The following LSP1 variants were observed in gnomAD, a reference collection of about 807,000 sequenced individuals.
LSP1 encodes lymphocyte-specific protein 1.
Under a neutral mutation model 49.3 loss-of-function variants are expected in LSP1, and 32 were observed. The observed-to-expected ratio is 0.65, with a 90% CI of 0.49 to 0.87. LSP1 has a LOEUF of 0.87. Ranked by LOEUF, LSP1 falls within the 40% of genes least tolerant of loss-of-function variation. The probability of loss-of-function intolerance (pLI) is 0.00; values close to 1 mark genes in which losing one functional copy is unlikely to be tolerated. For synonymous variants in LSP1, 179 were observed against 178.8 expected, an observed-to-expected ratio of 1.00 and a Z score of -0.01; for missense variants, 428 against 442.6, an observed-to-expected ratio of 0.97 and a Z score of 0.30.
chr11:1,887,629 G>A (rs1848813294), intron 10 of LSP1, 53 bp downstream of exon 10: 1 of 1,477,914 alleles, frequency 6.8e-7, no homozygotes, highest in Admixed American at 1.8e-5. Flanking sequence ...CGTGCACTGT[G>A]CTGGGAACTT....
chr11:1,870,943 C>T (rs1457924008), intron 1 of LSP1: 2 of 985,660 alleles, frequency 2.0e-6, no homozygotes, highest in Admixed American at 6.1e-5. Context: ...CGAGCAAAGG[C>T]GGGAGGCGCA....
At chr11:1,880,262 C>T (rs769199013) in intron 2 of LSP1, 38 bp downstream of exon 2, 12 of 1,534,080 alleles carry the variant, frequency 7.8e-6, no homozygotes, top group Non-Finnish European at 1.1e-5. Context: ...GCTCTAGCCC[C>T]TATCCGTGTA....
intron 1 of LSP1, among the ~76,000 whole-genome samples, chr11:1,858,805 A>G (rs1242677407): frequency 6.6e-6 from 1 of 152,150 alleles, no homozygotes; most frequent in African/African-American, 2.4e-5. Flanking sequence ...AGATTAGGGG[A>G]TTGAGAAAGC....
At chr11:1,870,526 TG>T in intron 1 of LSP1, 1 of 1,174,104 alleles carries the variant, frequency 8.5e-7, no homozygotes, top group Non-Finnish European at 1.1e-6. Flanking sequence ...AGACATGGTG[TG>T]GGGGTGTCAG....
intron 1 of LSP1, chr11:1,864,483 G>A: frequency 6.6e-6 from 1 of 152,500 alleles, no homozygotes; most frequent in Non-Finnish European, 1.5e-5. Flanking sequence ...AAGAGGAAGG[G>A]AGGGAGGGAG....
chr11:1,873,500 TGGAG>T (rs80276862), intron 1 of LSP1, among the ~76,000 whole-genome samples: 1,390 of 94,836 alleles, frequency 0.015, 26 homozygotes, highest in African/African-American at 0.055. Flanking sequence ...TAAGGAAAGA[TGGAG>T]GGAGGGAGGG....
chr11:1,867,377 G>A (rs780491954), intron 1 of LSP1, among the ~76,000 whole-genome samples: 4 of 110,350 alleles, frequency 3.6e-5, no homozygotes, highest in Non-Finnish European at 6.8e-5. Flanking sequence ...ACACACACAC[G>A]ACCACCCGGG....
intron 1 of LSP1, among the ~76,000 whole-genome samples, chr11:1,873,810 C>A (rs113624834): frequency 2.2e-5 from 3 of 135,468 alleles, no homozygotes; most frequent in Non-Finnish European, 4.8e-5. Context: ...GAGCAGGGAG[C>A]CCAGCAGAGG....
intron 1 of LSP1, chr11:1,876,593 C>G (rs969516346): frequency 1.0e-6 from 1 of 985,544 alleles, no homozygotes; most frequent in Non-Finnish European, 1.2e-6. Flanking sequence ...AGAGTCGGGA[C>G]GGGGACCGAG....
chr11:1,865,014 G>A (rs193191497), intron 1 of LSP1, among the ~76,000 whole-genome samples: 9 of 152,044 alleles, frequency 5.9e-5, no homozygotes, highest in East Asian at 3.9e-4. Flanking sequence ...AGGGCAGAGC[G>A]CCAAGGAAGT....
intron 9 of LSP1, 49 bp downstream of exon 9, chr11:1,887,363 G>A: frequency 6.3e-7 from 1 of 1,590,738 alleles, no homozygotes; most frequent in Non-Finnish European, 8.6e-7. Flanking sequence ...CAGCAGGGGA[G>A]GGCAAAGAGG....
At chr11:1,874,945 C>T (rs906519955) in intron 1 of LSP1, among the ~76,000 whole-genome samples, 1 of 152,196 alleles carries the variant, frequency 6.6e-6, no homozygotes, top group Non-Finnish European at 1.5e-5. Flanking sequence ...CAAGCCTCTT[C>T]CCACCCAAAG....
At chr11:1,873,671 G>A (rs1321905561) in intron 1 of LSP1, among the ~76,000 whole-genome samples, 2 of 151,824 alleles carry the variant, frequency 1.3e-5, no homozygotes, top group Non-Finnish European at 2.9e-5. Context: ...GAACTGGACC[G>A]AGGCTATGGC....
Position 1,859,534 on chromosome 11 carries a change from C to A in LSP1, c.53+6337C>A, listed in dbSNP as rs112839927. The A allele has an allele frequency of 2.4e-3, 377 of 154,662 alleles. 2 individuals carry two copies. The highest frequency in any genetic ancestry group is 2.4e-3 in the Non-Finnish European group (165 of 68,184). The allele number at this position is 154,662 out of a possible 1,614,324, so 9.6% of individuals were successfully genotyped here. On this transcript the variant is annotated intron_variant, in intron 1 of 10. Coordinates refer to ENST00000311604, the MANE Select transcript of LSP1 (RefSeq NM_002339.3). ...CTCCTCCTCCTGTCCCAGGTACCTCCCCTCAGAAAAGCAATGGGACTTGGG... is the reference window on the plus strand; with the variant it reads ...CTCCTCCTCCTGTCCCAGGTACCTCACCTCAGAAAAGCAATGGGACTTGGG...
In LSP1 at chr11:1,884,262, T is replaced by G; in HGVS notation, c.592-18T>G. The stretch of plus-strand genomic sequence containing the variant: ...ACCTCGGCTGCTGCAGGCCTGTGTC[T>G]CTCTCCACCCTCTGCAGCTCATCGA... On this transcript the variant is annotated intron_variant, in intron 5 of 10. Coordinates refer to ENST00000311604, the MANE Select transcript of LSP1 (RefSeq NM_002339.3). This position sits in a 1 kb window ranked among gnomAD's most constrained non-coding sequence, Gnocchi z 4.1. The G allele has an allele frequency of 6.2e-7, 1 of 1,613,944 alleles. No individual in the cohort carries two copies. Among genetic ancestry groups the G allele is most frequent in the Non-Finnish European group, 8.5e-7 (1 of 1,179,898 alleles).
chr11:1,878,915 C>G (rs1273955729), intron 1 of LSP1, among the ~76,000 whole-genome samples: 1 of 152,088 alleles, frequency 6.6e-6, no homozygotes, highest in Admixed American at 6.5e-5. Context: ...GCTGCTGGGC[C>G]GGGGCTCTGA....
intron 10 of LSP1, chr11:1,890,120 G>A: frequency 1.4e-6 from 1 of 717,112 alleles, no homozygotes. Flanking sequence ...CTGGGGCCGA[G>A]GCTACAACCT....
At chr11:1,888,781 T>G in intron 10 of LSP1, 1 of 213,194 alleles carries the variant, frequency 4.7e-6, no homozygotes, top group Non-Finnish European at 9.2e-6. Context: ...GGAGGATCAG[T>G]GAGAGGCCCA....
Position 1,892,040 on chromosome 11 carries a change from A to T in LSP1, c.*281A>T, listed in dbSNP as rs1018169055. On this transcript the variant is annotated 3_prime_UTR_variant, in exon 11 of 11. Coordinates refer to ENST00000311604, the MANE Select transcript of LSP1 (RefSeq NM_002339.3). ...TGGGGGAGGAAAGAAACTCCTGATC[A>T]TTGGCCAAAGGGACTTACCCCTGGA... The T allele has an allele frequency of 6.7e-6, 1 of 148,414 alleles. No homozygotes were observed. Among genetic ancestry groups the T allele is most frequent in the Non-Finnish European group, 1.5e-5 (1 of 67,282 alleles). 9.2% of individuals were successfully genotyped at this position (148,414 alleles called of 1,614,324 possible). A position where few individuals can be genotyped will look rare whatever the true frequency, so the allele number is the denominator to read the frequency against.
Sources: allele counts gnomAD v4.1 joint callset (sites outside exome capture counted in the v4.1 genomes callset), GRCh38; gene constraint gnomAD v4.1.1; non-coding constraint Gnocchi (gnomAD v3.1); transcripts MANE v1.5; gene names NCBI Gene and HGNC (gene_info 2026-07-23, HGNC 2026-07-21).